METAP1: variants seen among roughly 807,000 people sequenced by gnomAD.
The protein encoded by METAP1 is methionyl aminopeptidase 1.
Under a neutral mutation model 53.8 loss-of-function variants are expected in METAP1, and 28 were observed. That is an observed-to-expected ratio of 0.52 (90% CI 0.39 to 0.71). The LOEUF (loss-of-function observed/expected upper bound fraction) is 0.71, where lower values mean the gene tolerates loss of function less well. Ranked by LOEUF, METAP1 falls within the 30% of genes least tolerant of loss-of-function variation. METAP1 has a pLI of 0.00. For missense variants in METAP1, 389 were observed against 479.8 expected (o/e 0.81, Z 1.77); for synonymous variants, 181 against 165.7 (o/e 1.09, Z -0.71).
chr4:99,030,885 G>A (rs1344356254), intron 2 of METAP1, among the ~76,000 whole-genome samples: 1 of 151,498 alleles, frequency 6.6e-6, no homozygotes, highest in Non-Finnish European at 1.5e-5. Flanking sequence ...TTTTGGTATT[G>A]GAGCAATTCT....
intron 1 of METAP1, chr4:99,023,052 C>T (rs905489920): frequency 3.1e-5 from 43 of 1,379,032 alleles, no homozygotes; most frequent in Non-Finnish European, 3.9e-5. Flanking sequence ...CCTCCTGCTC[C>T]TCCTCCACAT....
chr4:99,006,889 A>T (rs929398389), intron 1 of METAP1, among the ~76,000 whole-genome samples: 1 of 152,106 alleles, frequency 6.6e-6, no homozygotes, highest in Non-Finnish European at 1.5e-5. Context: ...AAGTGTCTTT[A>T]AGTTGTTCTT....
intron 10 of METAP1, among the ~76,000 whole-genome samples, chr4:99,060,916 T>G (rs755158817): frequency 7.2e-5 from 11 of 152,220 alleles, no homozygotes; most frequent in Non-Finnish European, 1.5e-4. Context: ...AGCGCCTTTA[T>G]TTTGGAAATT....
chr4:99,004,605 A>G (rs1403970090), intron 1 of METAP1, among the ~76,000 whole-genome samples: 1 of 152,156 alleles, frequency 6.6e-6, no homozygotes, highest in Non-Finnish European at 1.5e-5. Flanking sequence ...AAAGAACATT[A>G]CCAGGAAAAC....
At chr4:99,056,290 A>G (rs1254856172) in intron 9 of METAP1, among the ~76,000 whole-genome samples, 1 of 152,186 alleles carries the variant, frequency 6.6e-6, no homozygotes, top group East Asian at 1.9e-4. Flanking sequence ...GGTTTTGTTT[A>G]ACTTGGAATT....
At chr4:99,036,274 T>C (rs936882911) in intron 4 of METAP1, among the ~76,000 whole-genome samples, 5 of 152,154 alleles carry the variant, frequency 3.3e-5, no homozygotes, top group Admixed American at 6.5e-5. Context: ...AACATTCTTA[T>C]GAATATCATT....
In METAP1 at chr4:99,026,438, G is replaced by A. The variant is rs113588157; in HGVS notation, c.115-2429G>A. The A allele has an allele frequency of 1.6e-3, 1,547 of 985,372 alleles. 1 individual carries two copies. The highest frequency in any genetic ancestry group is 1.8e-3 in the Non-Finnish European group (1,456 of 829,908). 61.0% of individuals were successfully genotyped at this position (985,372 alleles called of 1,614,324 possible). On this transcript the variant is annotated intron_variant, in intron 1 of 10. Transcript: ENST00000296411. ...TTTTAGAGAAAGTAGCATTTGAAAC[G>A]ACCTAATGGAATGGGTAAAGCTTCT...
intron 9 of METAP1, among the ~76,000 whole-genome samples, chr4:99,056,342 G>A (rs572003160): frequency 6.6e-6 from 1 of 152,214 alleles, no homozygotes; most frequent in East Asian, 1.9e-4. Context: ...CCTATTCCTA[G>A]TTTTAACATT....
intron 1 of METAP1, 96 bp from the exon 2 acceptor site, chr4:99,028,771 A>G: frequency 9.2e-6 from 8 of 873,828 alleles, no homozygotes; most frequent in Non-Finnish European, 1.2e-5. Context: ...GGTTTTTGCA[A>G]ATAGTTTACA....
chr4:99,031,234 T>C (rs1165145695), intron 2 of METAP1, among the ~76,000 whole-genome samples: 1 of 152,068 alleles, frequency 6.6e-6, no homozygotes, highest in Non-Finnish European at 1.5e-5. Flanking sequence ...TGTCACAGTG[T>C]ACCTTAAGCA....
intron 2 of METAP1, among the ~76,000 whole-genome samples, chr4:99,032,593 A>T (rs192859899): frequency 7.2e-5 from 11 of 152,312 alleles, no homozygotes; most frequent in Admixed American, 6.5e-4. Context: ...GAAGCTTTAA[A>T]GGATTTTTAC....
At chr4:99,045,132 T>G in intron 7 of METAP1, 47 bp from the exon 8 acceptor site, 1 of 1,577,900 alleles carries the variant, frequency 6.3e-7, no homozygotes, top group South Asian at 1.1e-5. Flanking sequence ...ACTTGAATTT[T>G]GAAATGAAAA....
intron 5 of METAP1, among the ~76,000 whole-genome samples, chr4:99,040,657 C>A (rs1725789178): frequency 7.5e-6 from 1 of 133,936 alleles, no homozygotes. Context: ...CACCTGACTA[C>A]TTTTTTTTTT....
In METAP1 at chr4:99,006,638, A is replaced by G. The variant is rs1723191364; in HGVS notation, c.114+10771A>G. ...TAACAAGAATTCTCTGATTTCATCTAATAGGCCAATCTTACTTAAATTTCT... is the reference window on the plus strand; with the variant it reads ...TAACAAGAATTCTCTGATTTCATCTGATAGGCCAATCTTACTTAAATTTCT... On this transcript the variant is annotated intron_variant, in intron 1 of 10. Transcript: ENST00000296411. Among the ~76,000 whole-genome samples the G allele has an allele frequency of 3.3e-5, 5 of 152,200 alleles. No individual in the cohort carries two copies. The South Asian group carries it at 1.0e-3, about 32-fold the overall frequency.
Position 99,061,177 on chromosome 4 carries a change from C to T in METAP1, c.1021C>T (p.Pro341Ser). ...AGGCGGATGGCAGGATGAAACCTGG[C>T]CAGATGGTTGGACTGCGGTGACAAG... ...CEGGWQDETW[P>S]DGWTAVTRDG... The change falls in exon 11 of 11, where the codon CCA becomes TCA. Residue 341 changes from proline (P) to serine (S), a missense_variant. By Grantham distance (74) the Pro-to-Ser change is moderately conservative (BLOSUM62 -1). Transcript: ENST00000296411. The T allele has an allele frequency of 6.2e-7, 1 of 1,613,184 alleles. No individual in the cohort carries two copies. Among genetic ancestry groups the T allele is most frequent in the South Asian group, 1.1e-5 (1 of 90,956 alleles).
At chr4:98,998,471 C>T (rs1462292831) in intron 1 of METAP1, among the ~76,000 whole-genome samples, 5 of 152,026 alleles carry the variant, frequency 3.3e-5, no homozygotes, top group Non-Finnish European at 5.9e-5. Context: ...TGCAGTGAGC[C>T]GAGGTTGCAC....
chr4:99,041,014 T>C, intron 5 of METAP1, 29 bp from the exon 6 acceptor site: 2 of 1,539,700 alleles, frequency 1.3e-6, no homozygotes, highest in East Asian at 4.5e-5. Flanking sequence ...TGTGTCTTTT[T>C]TAATGTATTG....
In METAP1 at chr4:99,028,850, CT is replaced by C. The variant is rs1001008109; in HGVS notation, c.115-11del. The C allele has an allele frequency of 2.6e-6, 4 of 1,521,778 alleles. No individual in the cohort carries two copies. Among genetic ancestry groups the C allele is most frequent in the South Asian group, 2.5e-5 (2 of 80,126 alleles). The allele number at this position is 1,521,778 out of a possible 1,614,324, so 94.3% of individuals were successfully genotyped here. The stretch of plus-strand genomic sequence containing the variant: ...TAAGGAAGGCCTGACACTAATTTTC[CT>C]TTTTTGTTCTTTTAGGAATGTTTTA... On this transcript the variant is annotated splice_polypyrimidine_tract_variant and intron_variant, in intron 1 of 10. Coordinates refer to ENST00000296411, the MANE Select transcript of METAP1 (RefSeq NM_015143.3).
At chr4:99,011,820 A>T (rs1299326732) in intron 1 of METAP1, among the ~76,000 whole-genome samples, 1 of 152,174 alleles carries the variant, frequency 6.6e-6, no homozygotes, top group Non-Finnish European at 1.5e-5. Context: ...TATGCCTGTA[A>T]TCCCAGCTAC....
Sources: gnomAD v4.1 joint callset for allele counts (sites outside exome capture counted in the v4.1 genomes callset) on GRCh38, gnomAD v4.1.1 for gene constraint, MANE v1.5 for transcripts, NCBI Gene and HGNC (gene_info 2026-07-23, HGNC 2026-07-21) for gene names.